Variants in FAM227A observed in about 807,000 individuals in gnomAD.
FAM227A encodes family with sequence similarity 227 member A.
FAM227A carries 80 observed loss-of-function variants against 74.7 expected under a neutral mutation model. That is an observed-to-expected ratio of 1.07 (90% CI 0.89 to 1.29). FAM227A has a LOEUF of 1.29. FAM227A is among the 50% of genes most tolerant of loss of function. The pLI is 0.00. For missense variants in FAM227A, 654 were observed against 683.4 expected (o/e 0.96, Z 0.48); for synonymous variants, 237 against 241.8 (o/e 0.98, Z 0.19).
At chr22:38,603,259 G>A (rs1321710222) in intron 13 of FAM227A, among the ~76,000 whole-genome samples, 1 of 152,134 alleles carries the variant, frequency 6.6e-6, no homozygotes, top group Non-Finnish European at 1.5e-5. Context: ...AGGCCAAGGT[G>A]GGCTGATCAT....
Position 38,586,140 on chromosome 22 carries a change from G to A in FAM227A, c.1698C>T (p.Leu566=), listed in dbSNP as rs374778508. ...RETEVEHFFP[L]TSKP The stretch of plus-strand genomic sequence containing the variant: ...GTGGAGCTCCTCAGGGCTTGGAAGT[G>A]AGTGGAAAGAAATGTTCAACTTCTG... The change falls in exon 17 of 17, where the codon CTC becomes CTT. Residue 566 remains leucine, a synonymous_variant. Coordinates refer to ENST00000535113, the MANE Select transcript of FAM227A (RefSeq NM_001013647.2). The A allele has an allele frequency of 1.3e-6, 2 of 1,551,776 alleles. No individual in the cohort carries two copies. The highest frequency in any genetic ancestry group is 2.7e-5 in the African/African-American group (2 of 73,050).
chr22:38,610,269 CCCA>C (rs1189890069), intron 11 of FAM227A, among the ~76,000 whole-genome samples: 2 of 152,176 alleles, frequency 1.3e-5, no homozygotes, highest in African/African-American at 2.4e-5. Flanking sequence ...AAGCCATCCT[CCCA>C]CGTTAGTCCC....
In FAM227A at chr22:38,628,888, A is replaced by G. The variant is rs1439638647; in HGVS notation, c.567T>C (p.Ser189=). Reference sequence around the variant, plus strand: ...AGCTATCCAGCCAGATGGCTCTTGGAGAAGAAGAAGAGAGAAACTTCTCTA... The same window carrying G: ...AGCTATCCAGCCAGATGGCTCTTGGGGAAGAAGAAGAGAGAAACTTCTCTA... The part of the protein sequence containing the change: ...RELEKFLSSS[S]PRAIWLDSFW... Residue 189 remains serine, a synonymous_variant, in exon 7 of 17, where the codon TCT becomes TCC. Transcript: ENST00000535113. The G allele has an allele frequency of 6.5e-7, 1 of 1,541,276 alleles. No homozygotes were observed. The highest frequency in any genetic ancestry group is 8.8e-7 in the Non-Finnish European group (1 of 1,141,946).
At chr22:38,592,766 T>C (rs1031464151) in intron 15 of FAM227A, among the ~76,000 whole-genome samples, 1 of 152,238 alleles carries the variant, frequency 6.6e-6, no homozygotes, top group Non-Finnish European at 1.5e-5. Context: ...AGTTTTTCTG[T>C]CACTCTAAGC....
chr22:38,594,880 C>T (rs1218071161), intron 15 of FAM227A, among the ~76,000 whole-genome samples: 5 of 152,026 alleles, frequency 3.3e-5, no homozygotes, highest in African/African-American at 1.2e-4. Flanking sequence ...GGGTGGATCA[C>T]GAGGTCAGGG....
chr22:38,654,266 T>C (rs2092359945), intron 1 of FAM227A, among the ~76,000 whole-genome samples: 1 of 151,902 alleles, frequency 6.6e-6, no homozygotes, highest in Non-Finnish European at 1.5e-5. Context: ...GAGAATTGCT[T>C]GAACCCAGGA....
In FAM227A at chr22:38,582,742, G is replaced by A. The variant is rs2090726638; in HGVS notation, c.*3383C>T. 1 of 1,327,534 alleles carries A rather than the reference G, an allele frequency of 7.5e-7. No individual in the cohort carries two copies. Among genetic ancestry groups the A allele is most frequent in the African/African-American group, 1.5e-5 (1 of 68,550 alleles). 82.2% of individuals were successfully genotyped at this position (1,327,534 alleles called of 1,614,324 possible). ...ATAAGGAGACCTTCTTGCTGTATGG[G>A]GGCTAATAGTAGCGGTGGATAGGTA... is the stretch of plus-strand genomic sequence containing the variant. On this transcript the variant is annotated 3_prime_UTR_variant, in exon 17 of 17. Coordinates refer to ENST00000535113, the MANE Select transcript of FAM227A (RefSeq NM_001013647.2).
chr22:38,645,799 T>A (rs911961707), intron 2 of FAM227A, among the ~76,000 whole-genome samples, 154 bp from the exon 3 acceptor site: 1 of 152,178 alleles, frequency 6.6e-6, no homozygotes, highest in African/African-American at 2.4e-5. Context: ...TTCTTCCTTT[T>A]TTCTGAGACA....
rs1377117051 is a variant in FAM227A, at chr22:38,582,426, C to T, written c.*3699G>A. 3.2e-6 allele frequency: 5 copies of T among 1,548,660 alleles called. No homozygotes were observed. The highest frequency in any genetic ancestry group is 4.4e-6 in the Non-Finnish European group (5 of 1,145,510). On this transcript the variant is annotated 3_prime_UTR_variant, in exon 17 of 17. Transcript: ENST00000535113. Reference sequence around the variant, plus strand: ...ACTGGGAATGACAGAATTAGAATATCATACAATTACTCATTTGCTTTATCC... The same window carrying T: ...ACTGGGAATGACAGAATTAGAATATTATACAATTACTCATTTGCTTTATCC...
At chr22:38,605,070 G>C (rs562971619) in intron 13 of FAM227A, among the ~76,000 whole-genome samples, 184 bp downstream of exon 13, 2 of 152,210 alleles carry the variant, frequency 1.3e-5, no homozygotes, top group South Asian at 4.2e-4. Flanking sequence ...ATAAACTGGA[G>C]AATAACAATG....
intron 13 of FAM227A, among the ~76,000 whole-genome samples, chr22:38,600,651 A>AT (rs535003182): frequency 6.6e-6 from 1 of 151,992 alleles, no homozygotes; most frequent in African/African-American, 2.4e-5. Context: ...AGTGTTATAT[A>AT]TTTTATAGAA....
chr22:38,605,587 G>A (rs965693605), intron 12 of FAM227A, among the ~76,000 whole-genome samples: 3 of 152,180 alleles, frequency 2.0e-5, no homozygotes, highest in Non-Finnish European at 4.4e-5. Context: ...ACTGTGCCCC[G>A]CTAAAGCAGT....
At chr22:38,643,036 T>A (rs60796754) in intron 3 of FAM227A, among the ~76,000 whole-genome samples, 6,737 of 149,624 alleles carry the variant, frequency 0.045, 247 homozygotes, top group East Asian at 0.11. Context: ...GGCTAAAGGT[T>A]GGGCATGGTG....
intron 11 of FAM227A, among the ~76,000 whole-genome samples, chr22:38,615,561 GCCCA>G (rs535813211): frequency 2.0e-5 from 3 of 152,144 alleles, no homozygotes; most frequent in South Asian, 4.1e-4. Flanking sequence ...GAGTGCAAAG[GCCCA>G]ACCAGGCATA....
chr22:38,586,701 G>A (rs1008130207), intron 16 of FAM227A, among the ~76,000 whole-genome samples: 14 of 151,936 alleles, frequency 9.2e-5, no homozygotes, highest in Admixed American at 3.3e-4. Context: ...ACGGAGTATC[G>A]CTCTGTTGCC....
intron 16 of FAM227A, among the ~76,000 whole-genome samples, chr22:38,586,843 T>C (rs1330498727): frequency 6.6e-6 from 1 of 151,918 alleles, no homozygotes; most frequent in Non-Finnish European, 1.5e-5. Flanking sequence ...TAATTTGTTT[T>C]TTGTATTTTT....
chr22:38,600,018 C>T, intron 13 of FAM227A, 97 bp from the exon 14 acceptor site: 2 of 1,118,360 alleles, frequency 1.8e-6, no homozygotes, highest in Non-Finnish European at 2.4e-6. Flanking sequence ...GTCCTTTGAT[C>T]CAGTAATTCC....
chr22:38,649,072 T>C (rs997453319), intron 2 of FAM227A, among the ~76,000 whole-genome samples: 4 of 152,166 alleles, frequency 2.6e-5, no homozygotes, highest in Non-Finnish European at 4.4e-5. Context: ...TCTATAATTC[T>C]TTGGGAGATA....
In FAM227A at chr22:38,620,241, C is replaced by G. The variant is rs762049164; in HGVS notation, c.1009G>C (p.Ala337Pro). 6.4e-7 allele frequency: 1 copy of G among 1,551,396 alleles called. No individual in the cohort carries two copies. Among genetic ancestry groups the G allele is most frequent in the Non-Finnish European group, 8.7e-7 (1 of 1,146,790 alleles). Reference protein sequence around the residue: ...AGKRAFSQKPAQSRKFYHPQS... With the variant: ...AGKRAFSQKPPQSRKFYHPQS... ...GGGTGGTAGAATTTCCTGCTCTGGGCTGGCTTCTGGGAGAAGGCTCTCTTA... is the reference window on the plus strand; with the variant it reads ...GGGTGGTAGAATTTCCTGCTCTGGGGTGGCTTCTGGGAGAAGGCTCTCTTA... Residue 337 changes from alanine to proline, a missense_variant, in exon 11 of 17, where the codon GCC becomes CCC. By Grantham distance (27) the Ala-to-Pro change is conservative. Coordinates refer to ENST00000535113, the MANE Select transcript of FAM227A (RefSeq NM_001013647.2).
Sources: allele counts gnomAD v4.1 joint callset (sites outside exome capture counted in the v4.1 genomes callset), GRCh38; gene constraint gnomAD v4.1.1; transcripts MANE v1.5; gene names NCBI Gene and HGNC (gene_info 2026-07-23, HGNC 2026-07-21).